LYPD6B: variants seen among roughly 807,000 people sequenced by gnomAD.
LYPD6B encodes ly6/PLAUR domain-containing protein 6B.
In LYPD6B, 17 loss-of-function variants were observed where a neutral mutation model predicts 22.8. The ratio of observed to expected loss-of-function variants is 0.75; its 90% CI spans 0.51 to 1.12. LYPD6B has a LOEUF of 1.12. Ranked by LOEUF, LYPD6B falls within the 50% of genes most tolerant of loss-of-function variation. The probability of loss-of-function intolerance (pLI) is 0.00; values close to 1 mark genes in which losing one functional copy is unlikely to be tolerated. For missense variants in LYPD6B, 221 were observed against 258.3 expected, an observed-to-expected ratio of 0.86 and a Z score of 0.99; for synonymous variants, 106 against 91.6, an observed-to-expected ratio of 1.16 and a Z score of -0.90.
chr2:149,121,686 A>G (rs1687368239), intron 1 of LYPD6B, among the ~76,000 whole-genome samples: 1 of 152,180 alleles, frequency 6.6e-6, no homozygotes, highest in African/African-American at 2.4e-5. Context: ...AGAAGGAAGT[A>G]ATGTTCCATG....
intron 3 of LYPD6B, among the ~76,000 whole-genome samples, chr2:149,178,254 A>G (rs1043132275): frequency 5.3e-5 from 8 of 152,204 alleles, no homozygotes; most frequent in African/African-American, 1.7e-4. Flanking sequence ...CAGCATATAG[A>G]CAGTGTCCAT....
In LYPD6B at chr2:149,099,424, T is replaced by TCCTTGTACCTAGGATCCTTGGTCC. The variant is rs1574964569; in HGVS notation, c.-66-31455_-66-31432dup. On this transcript the variant is annotated intron_variant, in intron 1 of 6. Coordinates refer to ENST00000409642, the MANE Select transcript of LYPD6B (RefSeq NM_177964.5). The stretch of plus-strand genomic sequence containing the variant: ...TGTGACAAGTTCCTTGGGCCTAGGA[T>TCCTTGTACCTAGGATCCTTGGTCC]CCTTGTACCTAGGATCCTTGGTCCC... 3.2e-5 allele frequency among the ~76,000 whole-genome samples: 3 copies of TCCTTGTACCTAGGATCCTTGGTCC among 94,934 alleles called. No individual in the cohort carries two copies. The East Asian group carries it at 1.8e-3, about 57-fold the overall frequency. 62.3% of individuals were successfully genotyped at this position (94,934 alleles called of 152,430 possible). A position where few individuals can be genotyped will look rare whatever the true frequency, so the allele number is the denominator to read the frequency against.
chr2:149,140,485 A>G (rs1188168401), intron 2 of LYPD6B, among the ~76,000 whole-genome samples: 2 of 152,312 alleles, frequency 1.3e-5, no homozygotes, highest in East Asian at 3.9e-4. Flanking sequence ...TTGAACTTGT[A>G]GGAATCAGGG....
intron 1 of LYPD6B, among the ~76,000 whole-genome samples, chr2:149,065,423 G>A (rs748680917): frequency 1.3e-4 from 20 of 152,194 alleles, no homozygotes; most frequent in Non-Finnish European, 2.6e-4. Flanking sequence ...TAATCACCAA[G>A]GGTTGATCAG....
chr2:149,162,919 A>G (rs563639731), intron 3 of LYPD6B, among the ~76,000 whole-genome samples: 19 of 152,244 alleles, frequency 1.2e-4, no homozygotes, highest in African/African-American at 4.6e-4. Flanking sequence ...CTCCTACGTG[A>G]TAAGTGCGGA....
chr2:149,094,289 G>A (rs1243612265), intron 1 of LYPD6B, among the ~76,000 whole-genome samples: 1 of 152,212 alleles, frequency 6.6e-6, no homozygotes, highest in East Asian at 1.9e-4. Context: ...AATGACATAG[G>A]AATGATTGAA....
chr2:149,105,007 A>C (rs1454958508), intron 1 of LYPD6B, among the ~76,000 whole-genome samples: 1 of 152,194 alleles, frequency 6.6e-6, no homozygotes, highest in Non-Finnish European at 1.5e-5. Context: ...AATTGGGATA[A>C]TTATCATATC....
intron 2 of LYPD6B, among the ~76,000 whole-genome samples, chr2:149,148,043 C>G (rs1057166840): frequency 6.6e-6 from 1 of 152,040 alleles, no homozygotes; most frequent in Admixed American, 6.6e-5. Flanking sequence ...ACAAGTTTCT[C>G]TTGACCCATT....
intron 1 of LYPD6B, among the ~76,000 whole-genome samples, chr2:149,088,848 TCTC>T (rs1398480904): frequency 6.6e-6 from 1 of 152,106 alleles, no homozygotes; most frequent in Non-Finnish European, 1.5e-5. Context: ...TTTGTGAAAT[TCTC>T]CTGTTAAAGG....
intron 1 of LYPD6B, among the ~76,000 whole-genome samples, chr2:149,083,510 T>C (rs1363982544): frequency 6.6e-6 from 1 of 152,242 alleles, no homozygotes; most frequent in Non-Finnish European, 1.5e-5. Flanking sequence ...ACCTTCTTTT[T>C]GAACTTTTTG....
At chr2:149,124,252 A>G (rs1448321837) in intron 1 of LYPD6B, among the ~76,000 whole-genome samples, 1 of 152,210 alleles carries the variant, frequency 6.6e-6, no homozygotes, top group Non-Finnish European at 1.5e-5. Flanking sequence ...ATGCCAATAT[A>G]TAGTCCTTTC....
intron 3 of LYPD6B, among the ~76,000 whole-genome samples, chr2:149,197,363 TTAGCTGAGCGTGGTGGC>T (rs1353621911): frequency 6.6e-6 from 1 of 152,116 alleles, no homozygotes; most frequent in Non-Finnish European, 1.5e-5. Flanking sequence ...AATACAAAAA[TTAGCTGAGCGTGGTGGC>T]ACACGCCTAT....
rs545975146 is a variant in LYPD6B, at chr2:149,063,357, A to T, written c.-67+24556A>T. ...CACTATTGAATTCAAGCAGTAGTTG[A>T]TGACTCAGCTACCATATACTTATAT... is the stretch of plus-strand genomic sequence containing the variant. On this transcript the variant is annotated intron_variant, in intron 1 of 6. Coordinates refer to ENST00000409642, the MANE Select transcript of LYPD6B (RefSeq NM_177964.5). 2.0e-5 allele frequency among the ~76,000 whole-genome samples: 3 copies of T among 152,276 alleles called. 1 individual carries two copies. The South Asian group carries it at 6.2e-4, about 32-fold the overall frequency.
At chr2:149,186,797 G>C (rs1363904728) in intron 3 of LYPD6B, among the ~76,000 whole-genome samples, 7 of 152,118 alleles carry the variant, frequency 4.6e-5, no homozygotes, top group African/African-American at 1.7e-4. Flanking sequence ...TGAGAGGATT[G>C]GCTCCAATTT....
chr2:149,170,477 C>A (rs1322998367), intron 3 of LYPD6B, among the ~76,000 whole-genome samples: 2 of 147,950 alleles, frequency 1.4e-5, no homozygotes, highest in African/African-American at 4.9e-5. Flanking sequence ...ATTTGGGAGA[C>A]AAATGTGAGA....
chr2:149,167,664 AT>A (rs1690519982), intron 3 of LYPD6B, among the ~76,000 whole-genome samples: 1 of 152,086 alleles, frequency 6.6e-6, no homozygotes, highest in Non-Finnish European at 1.5e-5. Context: ...GGGAGGTTTT[AT>A]TCACCTTATC....
At chr2:149,063,947 A>G (rs1684210797) in intron 1 of LYPD6B, among the ~76,000 whole-genome samples, 1 of 152,246 alleles carries the variant, frequency 6.6e-6, no homozygotes, top group South Asian at 2.1e-4. Context: ...GATTAACAAT[A>G]TGTTATAACT....
intron 1 of LYPD6B, among the ~76,000 whole-genome samples, chr2:149,113,812 G>A (rs1453930525): frequency 6.6e-6 from 1 of 152,164 alleles, no homozygotes; most frequent in Non-Finnish European, 1.5e-5. Context: ...ACTGAGTTCA[G>A]TTGGCTTCCT....
chr2:149,086,809 G>A (rs1419090728), intron 1 of LYPD6B, among the ~76,000 whole-genome samples: 1 of 152,112 alleles, frequency 6.6e-6, no homozygotes, highest in Non-Finnish European at 1.5e-5. Context: ...TCTCTTCCAG[G>A]CCTCTCTCCC....
Sources: allele counts gnomAD v4.1 joint callset (sites outside exome capture counted in the v4.1 genomes callset), GRCh38; gene constraint gnomAD v4.1.1; transcripts MANE v1.5; gene names NCBI Gene and HGNC (gene_info 2026-07-23, HGNC 2026-07-21).